Variants in TPGS1 observed in about 807,000 individuals in gnomAD.
TPGS1 encodes the protein gene trap ROSA b-geo 22.
TPGS1 carries 18 observed loss-of-function variants against 11.9 expected under a neutral mutation model. The observed-to-expected ratio is 1.51, with a 90% CI of 1.04 to 2.24. The LOEUF (loss-of-function observed/expected upper bound fraction) is 2.24. Among genes scored for constraint, TPGS1 ranks in the 30% most tolerant of loss-of-function variants. TPGS1 has a pLI of 0.00. For missense variants in TPGS1, 500 were observed against 443.0 expected (o/e 1.13, Z -1.16); for synonymous variants, 247 against 218.2 (o/e 1.13, Z -1.16).
chr19:515,730 C>G (rs937056777), intron 1 of TPGS1, among the ~76,000 whole-genome samples: 1 of 150,152 alleles, frequency 6.7e-6, no homozygotes, highest in Admixed American at 6.6e-5. Flanking sequence ...GAGTGAGACA[C>G]TGTCTCAAAA....
At chr19:515,360 C>T (rs1978918848) in intron 1 of TPGS1, among the ~76,000 whole-genome samples, 1 of 148,470 alleles carries the variant, frequency 6.7e-6, no homozygotes, top group African/African-American at 2.5e-5. Context: ...CTGATTGTAC[C>T]ACTGCTCTCC....
At position 507,511 on chromosome 19, in the gene TPGS1, C is replaced by A. The variant is rs1978650794; in HGVS notation, c.5C>A (p.Ala2Glu). The A allele has an allele frequency of 1.4e-6, 2 of 1,415,842 alleles. No individual in the cohort carries two copies. The highest frequency in any genetic ancestry group is 1.9e-6 in the Non-Finnish European group (2 of 1,080,856). 87.7% of individuals were successfully genotyped at this position (1,415,842 alleles called of 1,614,324 possible). M[A>E]AVEKRRQAVP... ...GTCCCGCTGCCCTCAGCGAAGATGG[C>A]GGCAGTGGAGAAGCGGCGGCAAGCG... The change falls in exon 1 of 2, where the codon GCG becomes GAG. Residue 2 changes from alanine to glutamate, a missense_variant. Coordinates refer to ENST00000359315, the MANE Select transcript of TPGS1 (RefSeq NM_033513.3).
intron 1 of TPGS1, among the ~76,000 whole-genome samples, chr19:513,018 G>A (rs1226874113): frequency 1.3e-5 from 2 of 152,240 alleles, no homozygotes; most frequent in East Asian, 3.8e-4. Flanking sequence ...CCTCCTAAGA[G>A]ACCCCAAGCC....
chr19:511,243 T>C (rs1978785512), intron 1 of TPGS1, among the ~76,000 whole-genome samples: 2 of 152,194 alleles, frequency 1.3e-5, no homozygotes, highest in African/African-American at 4.8e-5. Context: ...GCTGCCTTCC[T>C]CTTCCTCCTC....
Position 507,686 on chromosome 19 carries a change from C to T in TPGS1, c.180C>T (p.Pro60=), listed in dbSNP as rs1239801456. The change falls in exon 1 of 2, where the codon CCC becomes CCT. Residue 60 remains proline (P), a synonymous_variant. Coordinates refer to ENST00000359315, the MANE Select transcript of TPGS1 (RefSeq NM_033513.3). The stretch of plus-strand genomic sequence containing the variant: ...TGCTGAAGGTGCTGGAGGCGCGGCC[C>T]GAGGAGCCGATCGCCTTCCTGGCTC... ...AALLKVLEAR[P]EEPIAFLAHY... 1.5e-6 allele frequency: 2 copies of T among 1,377,906 alleles called. No homozygotes were observed. The highest frequency in any genetic ancestry group is 6.9e-5 in the Admixed American group (2 of 28,988). 85.4% of individuals were successfully genotyped at this position (1,377,906 alleles called of 1,614,324 possible).
Position 519,047 on chromosome 19 carries a change from G to C in TPGS1, c.497G>C (p.Arg166Pro), listed in dbSNP as rs1281495260. The change falls in exon 2 of 2, where the codon CGC (arginine) becomes CCC (proline). Residue 166 changes from arginine to proline, a missense_variant. Physicochemically the swap from Arg to Pro is moderately radical, Grantham distance 103. Transcript: ENST00000359315. ...APEEVVAPLL[R>P]KVQCRDHEAV... is the part of the protein sequence containing the mutation. ...GAGGAGGTGGTGGCGCCGCTGCTGC[G>C]CAAGGTGCAGTGCCGTGACCACGAG... The C allele has an allele frequency of 6.5e-7, 1 of 1,549,014 alleles. No individual in the cohort carries two copies. Among genetic ancestry groups the C allele is most frequent in the South Asian group, 1.2e-5 (1 of 85,150 alleles).
chr19:509,966 G>A (rs1978735558), intron 1 of TPGS1: 1 of 152,342 alleles, frequency 6.6e-6, no homozygotes, highest in South Asian at 2.1e-4. Context: ...CGTGGCATCT[G>A]ATTCTGTGCT....
At chr19:509,390 T>C (rs1398775822) in intron 1 of TPGS1, 1 of 152,514 alleles carries the variant, frequency 6.6e-6, no homozygotes, top group African/African-American at 2.4e-5. Context: ...GATGAGGATA[T>C]TTATATTTAT....
intron 1 of TPGS1, among the ~76,000 whole-genome samples, chr19:518,237 G>A: frequency 1.0e-5 from 1 of 96,344 alleles, no homozygotes; most frequent in Admixed American, 9.8e-5. Context: ...GGCCCCGGCT[G>A]GGTAGGGGCT....
intron 1 of TPGS1, chr19:508,979 T>C (rs573507931): frequency 6.6e-6 from 1 of 152,384 alleles, no homozygotes; most frequent in South Asian, 2.1e-4. Flanking sequence ...AGAGGGTCAG[T>C]GGAGCCGTTT....
At chr19:515,240 G>T (rs1421880247) in intron 1 of TPGS1, among the ~76,000 whole-genome samples, 1 of 152,046 alleles carries the variant, frequency 6.6e-6, no homozygotes, top group Non-Finnish European at 1.5e-5. Flanking sequence ...TGTGGGGAGA[G>T]AAATACCACC....
At chr19:512,163 G>C (rs532570123) in intron 1 of TPGS1, among the ~76,000 whole-genome samples, 58 of 151,338 alleles carry the variant, frequency 3.8e-4, no homozygotes, top group African/African-American at 1.2e-3. Flanking sequence ...AAGCCACTGT[G>C]CCTGGCCCAG....
At chr19:508,080 C>T (rs1253929068) in intron 1 of TPGS1, 1 of 393,872 alleles carries the variant, frequency 2.5e-6, no homozygotes, top group East Asian at 3.6e-5. Context: ...GCCGGCTTCG[C>T]CTTCTGTGAT....
At chr19:514,648 C>T (rs927507056) in intron 1 of TPGS1, among the ~76,000 whole-genome samples, 2 of 152,256 alleles carry the variant, frequency 1.3e-5, no homozygotes, top group Non-Finnish European at 2.9e-5. Context: ...CCCTCCTCAC[C>T]ATGAAGCTGA....
chr19:516,031 CAAAA>C (rs762448171), intron 1 of TPGS1, among the ~76,000 whole-genome samples: 2,908 of 88,456 alleles, frequency 0.033, 104 homozygotes, highest in African/African-American at 0.11. Flanking sequence ...GACTCCGTCT[CAAAA>C]AAAAAAAAAA....
At chr19:518,010 T>TG (rs1220051939) in intron 1 of TPGS1, among the ~76,000 whole-genome samples, 6 of 26,044 alleles carry the variant, frequency 2.3e-4, no homozygotes, top group Admixed American at 5.2e-4. Context: ...AGGCCGAGGC[T>TG]GGGGGTGCTG....
At chr19:512,248 C>T (rs553241885) in intron 1 of TPGS1, among the ~76,000 whole-genome samples, 5 of 152,198 alleles carry the variant, frequency 3.3e-5, no homozygotes, top group Admixed American at 6.5e-5. Context: ...ACTGCAGCCT[C>T]GACCGCCTGG....
chr19:515,888 C>T (rs1021083279), intron 1 of TPGS1, among the ~76,000 whole-genome samples: 5 of 151,382 alleles, frequency 3.3e-5, no homozygotes, highest in African/African-American at 9.7e-5. Flanking sequence ...AAAAATTAGC[C>T]GGGCATAGTG....
intron 1 of TPGS1, among the ~76,000 whole-genome samples, chr19:515,316 G>A (rs561630536): frequency 9.5e-4 from 144 of 150,862 alleles, no homozygotes; most frequent in Non-Finnish European, 1.8e-3. Context: ...CAGGAGGATC[G>A]CTTGAGCCCA....
Sources: allele counts gnomAD v4.1 joint callset (sites outside exome capture counted in the v4.1 genomes callset), GRCh38; gene constraint gnomAD v4.1.1; transcripts MANE v1.5; gene names NCBI Gene and HGNC (gene_info 2026-07-23, HGNC 2026-07-21).